Variants in TRIM5 observed in about 807,000 individuals in gnomAD.
TRIM5 encodes the protein tripartite motif-containing protein 5.
TRIM5 carries 31 observed loss-of-function variants against 35.6 expected under a neutral mutation model. The observed-to-expected ratio is 0.87, with a 90% CI of 0.65 to 1.18. The LOEUF (loss-of-function observed/expected upper bound fraction) is 1.18, where lower values mean the gene tolerates loss of function less well. Among genes scored for constraint, TRIM5 ranks in the 50% most tolerant of loss-of-function variants. TRIM5 has a pLI of 0.00. For missense variants in TRIM5, 609 were observed against 591.6 expected, an observed-to-expected ratio of 1.03 and a Z score of -0.31; for synonymous variants, 243 against 215.6, an observed-to-expected ratio of 1.13 and a Z score of -1.11.
intron 4 of TRIM5, chr11:5,669,866 T>A (rs1851440464): frequency 5.4e-6 from 1 of 184,324 alleles, no homozygotes; most frequent in Non-Finnish European, 1.2e-5. Flanking sequence ...TCCCAGCTAC[T>A]CAGGCGGCTG....
chr11:5,643,469 T>A, the TRIM5 span: 2 of 1,614,218 alleles, frequency 1.2e-6, no homozygotes, highest in Non-Finnish European at 1.7e-6. Flanking sequence ...GTAAGTATGG[T>A]GTCTTTGAAG....
the TRIM5 span, chr11:5,645,889 A>C: frequency 2.1e-4 from 36 of 169,314 alleles, no homozygotes; most frequent in Middle Eastern, 2.4e-3. Context: ...AAATATATAT[A>C]TATATATCTA....
chr11:5,669,229 G>A (rs559016467), intron 4 of TRIM5, among the ~76,000 whole-genome samples: 5 of 151,966 alleles, frequency 3.3e-5, no homozygotes, highest in East Asian at 3.9e-4. Flanking sequence ...ACAGGCGTGC[G>A]CCACCACGCC....
chr11:5,625,473 G>A, the TRIM5 span, among the ~76,000 whole-genome samples: 1 of 152,148 alleles, frequency 6.6e-6, no homozygotes, highest in African/African-American at 2.4e-5. Context: ...GTGAAAGGAG[G>A]TCTCTGTTTT....
the TRIM5 span, among the ~76,000 whole-genome samples, chr11:5,630,833 T>C: frequency 6.6e-6 from 1 of 152,370 alleles, no homozygotes; most frequent in East Asian, 1.9e-4. Flanking sequence ...GTTTACTTTA[T>C]TCTGGCTAAT....
At chr11:5,602,940 T>C in the TRIM5 span, among the ~76,000 whole-genome samples, 1 of 151,840 alleles carries the variant, frequency 6.6e-6, no homozygotes, top group Non-Finnish European at 1.5e-5. Context: ...GGTGACAGAG[T>C]GAGTCTCCAT....
chr11:5,680,788 T>G (rs1020487652), intron 1 of TRIM5, among the ~76,000 whole-genome samples: 1 of 152,248 alleles, frequency 6.6e-6, no homozygotes, highest in Non-Finnish European at 1.5e-5. Context: ...TGATTGCTCT[T>G]ATTATCAGCA....
the TRIM5 span, among the ~76,000 whole-genome samples, chr11:5,652,269 G>T: frequency 6.6e-6 from 1 of 152,074 alleles, no homozygotes; most frequent in Non-Finnish European, 1.5e-5. Context: ...TATTACCTAG[G>T]TAATCTTCTA....
At chr11:5,651,433 G>C in the TRIM5 span, among the ~76,000 whole-genome samples, 2 of 152,136 alleles carry the variant, frequency 1.3e-5, no homozygotes, top group African/African-American at 2.4e-5. Flanking sequence ...GATGTCTGTT[G>C]TTCCCTTCTT....
chr11:5,662,774 T>A (rs1850873982), downstream of TRIM5, among the ~76,000 whole-genome samples: 1 of 152,212 alleles, frequency 6.6e-6, no homozygotes, highest in Non-Finnish European at 1.5e-5. Context: ...TGAAAAGAAC[T>A]ATTACATATT....
At chr11:5,654,223 CTTTT>C in the TRIM5 span, among the ~76,000 whole-genome samples, 2 of 151,838 alleles carry the variant, frequency 1.3e-5, no homozygotes, top group African/African-American at 4.8e-5. Context: ...TGTTTTCTTG[CTTTT>C]TTTGTTTCTT....
At chr11:5,616,900 C>A in the TRIM5 span, among the ~76,000 whole-genome samples, 9 of 143,340 alleles carry the variant, frequency 6.3e-5, 2 homozygotes, top group South Asian at 1.6e-3. Context: ...CCACCTTCGG[C>A]TAATTTTTGT....
the TRIM5 span, among the ~76,000 whole-genome samples, chr11:5,620,197 A>T: frequency 1.7e-4 from 6 of 34,484 alleles, no homozygotes; most frequent in Admixed American, 5.5e-4. Flanking sequence ...TTTTTTGTTG[A>T]GACTGAGTCT....
At chr11:5,613,375 T>C in the TRIM5 span, among the ~76,000 whole-genome samples, 1 of 152,334 alleles carries the variant, frequency 6.6e-6, no homozygotes, top group African/African-American at 2.4e-5. Context: ...AAGGCTCAGC[T>C]TGGGTGTCTA....
At chr11:5,608,508 C>T in the TRIM5 span, 1 of 1,492,678 alleles carries the variant, frequency 6.7e-7, no homozygotes, top group Non-Finnish European at 9.0e-7. Flanking sequence ...AGAGAGTAGT[C>T]TTGAATCGCG....
At chr11:5,591,200 A>AT in the TRIM5 span, among the ~76,000 whole-genome samples, 1 of 152,364 alleles carries the variant, frequency 6.6e-6, no homozygotes, top group Admixed American at 6.5e-5. Flanking sequence ...AAGATAAGTA[A>AT]TAAAGGAGAA....
chr11:5,632,807 T>C, the TRIM5 span: 1 of 1,306,822 alleles, frequency 7.7e-7, no homozygotes, highest in Non-Finnish European at 1.0e-6. Context: ...TGGTGGAAAA[T>C]CTCACCTTTT....
chr11:5,615,436 A>G, the TRIM5 span, among the ~76,000 whole-genome samples: 1 of 150,858 alleles, frequency 6.6e-6, no homozygotes. Context: ...AGGAGCATAC[A>G]CATTTAGGAA....
chr11:5,593,517 A>C, the TRIM5 span, among the ~76,000 whole-genome samples: 2 of 151,832 alleles, frequency 1.3e-5, no homozygotes, highest in Non-Finnish European at 2.9e-5. Context: ...CAGAAAATCT[A>C]TCTCCTGAGT....
Sources: allele counts gnomAD v4.1 joint callset (sites outside exome capture counted in the v4.1 genomes callset), GRCh38; gene constraint gnomAD v4.1.1; transcripts MANE v1.5; gene names NCBI Gene and HGNC (gene_info 2026-07-23, HGNC 2026-07-21).